Variants in CD320 observed in about 807,000 individuals in gnomAD.
CD320 encodes CD320 molecule.
Under a neutral mutation model 22.1 loss-of-function variants are expected in CD320, and 16 were observed. That is an observed-to-expected ratio of 0.73 (90% CI 0.49 to 1.10). The LOEUF (loss-of-function observed/expected upper bound fraction) is 1.10. Among genes scored for constraint, CD320 ranks in the 50% least tolerant of loss-of-function variants. The pLI is 0.00. For synonymous variants in CD320, 188 were observed against 167.8 expected, an observed-to-expected ratio of 1.12 and a Z score of -0.93; for missense variants, 388 against 376.9, an observed-to-expected ratio of 1.03 and a Z score of -0.24.
intron 4 of CD320, 68 bp downstream of exon 4, chr19:8,302,709 T>A (rs559637771): frequency 6.2e-7 from 1 of 1,604,578 alleles, no homozygotes; most frequent in South Asian, 1.1e-5. Flanking sequence ...AGCTCATCCC[T>A]CCCCACCCAC....
intron 2 of CD320, 34 bp downstream of exon 2, chr19:8,304,997 C>T: frequency 1.3e-6 from 2 of 1,599,388 alleles, no homozygotes; most frequent in Non-Finnish European, 1.7e-6. Flanking sequence ...GGCCCCGCCC[C>T]CTGTAAGCCC....
At chr19:8,304,699 C>CTTT in intron 2 of CD320, 3 of 175,070 alleles carry the variant, frequency 1.7e-5, no homozygotes, top group South Asian at 9.7e-5. Flanking sequence ...TTTTTTTTTT[C>CTTT]TTTTTCTTTT....
At chr19:8,302,753 C>T (rs530872669) in intron 4 of CD320, 24 bp downstream of exon 4, 6 of 1,613,312 alleles carry the variant, frequency 3.7e-6, no homozygotes. Flanking sequence ...AAGCCCCCAG[C>T]ATGGGAGGGT....
intron 3 of CD320, 53 bp from the exon 4 acceptor site, chr19:8,303,033 G>T (rs1599621095): frequency 1.3e-6 from 2 of 1,522,730 alleles, no homozygotes; most frequent in African/African-American, 2.7e-5. Context: ...GAAGGCGTGA[G>T]GGGGCCAGAT....
chr19:8,302,679 C>T (rs1255036362), intron 4 of CD320, 74 bp from the exon 5 acceptor site: 7 of 1,604,886 alleles, frequency 4.4e-6, no homozygotes, highest in Non-Finnish European at 6.0e-6. Context: ...GCTCCATACA[C>T]ATGGGGATGG....
At position 8,308,155 on chromosome 19, in the gene CD320, C is replaced by T; in HGVS notation, c.136G>A (p.Ala46Thr). The change falls in exon 1 of 5, where the codon GCC (alanine) becomes ACC (threonine). Residue 46 changes from alanine (A) to threonine (T), a missense_variant. Physicochemically the swap from Ala to Thr is moderately conservative, Grantham distance 58. Transcript: ENST00000301458. Reference protein sequence around the residue: ...SPLSTPTSAQAAGPSSGSCPP... With the variant: ...SPLSTPTSAQTAGPSSGSCPP... ...GCTGCGGGGCGTCACTCACCTGCGG[C>T]CTGGGCAGAGGTCGGGGTGGAAAGC... 6.5e-7 allele frequency: 1 copy of T among 1,538,466 alleles called. No homozygotes were observed. The highest frequency in any genetic ancestry group is 1.4e-5 in the African/African-American group (1 of 70,834).
At chr19:8,304,726 C>T (rs1970063000) in intron 2 of CD320, 2 of 343,658 alleles carry the variant, frequency 5.8e-6, no homozygotes, top group South Asian at 6.2e-5. Flanking sequence ...CTGAGACAGT[C>T]TTACTCTGTT....
At position 8,303,993 on chromosome 19, in the gene CD320, T is replaced by C. The variant is rs745552673; in HGVS notation, c.364A>G (p.Lys122Glu). ...AGGCGGCTGCAGTTGCGCAGTTTCT[T>C]GTCAGTTCCCCCAGAGCAGTCACTG... ...GVSDCSGGTD[K>E]KLRNCSRLAC... Residue 122 changes from lysine (K) to glutamate (E), a missense_variant, in exon 3 of 5, where the codon AAG becomes GAG. By Grantham distance (56) the Lys-to-Glu change is moderately conservative (BLOSUM62 1). Coordinates refer to ENST00000301458, the MANE Select transcript of CD320 (RefSeq NM_016579.4). 1.3e-6 allele frequency: 2 copies of C among 1,572,954 alleles called. No individual in the cohort carries two copies. The highest frequency in any genetic ancestry group is 2.3e-5 in the South Asian group (2 of 85,896).
chr19:8,307,649 G>T (rs894138948), intron 1 of CD320, among the ~76,000 whole-genome samples: 3 of 152,166 alleles, frequency 2.0e-5, no homozygotes, highest in East Asian at 1.9e-4. Flanking sequence ...CAGTAGCATG[G>T]GGGGGAGAGA....
chr19:8,308,259 G>T lies in CD320; in HGVS notation c.32C>A (p.Ala11Glu), dbSNP rs567898376. Residue 11 changes from alanine (A) to glutamate (E), a missense_variant, in exon 1 of 5, where the codon GCG becomes GAG. Coordinates refer to ENST00000301458, the MANE Select transcript of CD320 (RefSeq NM_016579.4). ...CAGGCCCAGAGCCCCTGTTCGCCAC[G>T]CTCCAACCTGCGCCATCCAACCGCC... Reference protein sequence around the residue: MSGGWMAQVGAWRTGALGLAL... With the variant: MSGGWMAQVGEWRTGALGLAL... 3.8e-6 allele frequency: 6 copies of T among 1,582,828 alleles called. No homozygotes were observed. The Admixed American group carries it at 8.6e-5, about 23-fold the overall frequency.
chr19:8,303,096 G>GACT lies in CD320; in HGVS notation c.503-119_503-117dup. ...TCAACCAACCAGGCTGGGTGAAGCT[G>GACT]ACTGCCCGTAATTATGTCTTTTTTT... On this transcript the variant is annotated intron_variant, in intron 3 of 4. Transcript: ENST00000301458. 5.6e-6 allele frequency: 3 copies of GACT among 537,076 alleles called. 1 individual carries two copies. Among genetic ancestry groups the GACT allele is most frequent in the South Asian group, 5.2e-5 (3 of 57,776 alleles). 33.3% of individuals were successfully genotyped at this position (537,076 alleles called of 1,614,324 possible).
intron 2 of CD320, among the ~76,000 whole-genome samples, 173 bp from the exon 3 acceptor site, chr19:8,304,261 C>T (rs1417123750): frequency 6.6e-6 from 1 of 152,334 alleles, no homozygotes; most frequent in African/African-American, 2.4e-5. Context: ...AAGGACAGGC[C>T]TCCCTGCAAG....
In CD320 at chr19:8,308,332, C is replaced by T. The variant is rs1465238276; in HGVS notation, c.-42G>A. Reference sequence around the variant, plus strand: ...CGCCGGCCACGCGCTGTCCAGACCGCTCTCTTATCCCTGCGCACGCGCACG... The same window carrying T: ...CGCCGGCCACGCGCTGTCCAGACCGTTCTCTTATCCCTGCGCACGCGCACG... On this transcript the variant is annotated 5_prime_UTR_variant, in exon 1 of 5. Coordinates refer to ENST00000301458, the MANE Select transcript of CD320 (RefSeq NM_016579.4). The T allele has an allele frequency of 8.9e-6, 14 of 1,572,412 alleles. No homozygotes were observed. Among genetic ancestry groups the T allele is most frequent in the African/African-American group, 1.4e-5 (1 of 74,006 alleles).
intron 2 of CD320, among the ~76,000 whole-genome samples, chr19:8,304,573 C>T (rs1004986662): frequency 6.6e-6 from 1 of 152,190 alleles, no homozygotes; most frequent in African/African-American, 2.4e-5. Context: ...GAACGCCTGA[C>T]CTCAAGTGAT....
chr19:8,303,813 C>T (rs1437685238), intron 3 of CD320, 42 bp downstream of exon 3: 2 of 1,354,932 alleles, frequency 1.5e-6, no homozygotes, highest in Non-Finnish European at 2.1e-6. Context: ...AGTGGGTGTC[C>T]CCATCTACCC....
At chr19:8,302,683 G>C in intron 4 of CD320, 78 bp from the exon 5 acceptor site, 2 of 1,604,532 alleles carry the variant, frequency 1.2e-6, no homozygotes. Flanking sequence ...CATACACATG[G>C]GGATGGGAGT....
chr19:8,308,271 G>T lies in CD320; in HGVS notation c.20C>A (p.Ala7Glu), dbSNP rs1178457763. MSGGWM[A>E]QVGAWRTGAL... is the part of the protein sequence containing the mutation. Reference sequence around the variant, plus strand: ...CCCTGTTCGCCACGCTCCAACCTGCGCCATCCAACCGCCGCTCATGCTGTC... The same window carrying T: ...CCCTGTTCGCCACGCTCCAACCTGCTCCATCCAACCGCCGCTCATGCTGTC... The change falls in exon 1 of 5, where the codon GCG becomes GAG. Residue 7 changes from alanine to glutamate, a missense_variant. Coordinates refer to ENST00000301458, the MANE Select transcript of CD320 (RefSeq NM_016579.4). 2 of 1,582,870 alleles carry T rather than the reference G, an allele frequency of 1.3e-6. No homozygotes were observed. The highest frequency in any genetic ancestry group is 1.7e-6 in the Non-Finnish European group (2 of 1,170,426).
intron 1 of CD320, 125 bp from the exon 2 acceptor site, chr19:8,305,281 C>A (rs975463459): frequency 5.7e-6 from 7 of 1,228,762 alleles, no homozygotes; most frequent in Non-Finnish European, 8.0e-6. Context: ...ACCACACTGG[C>A]GGCTGCTTGT....
chr19:8,303,953 C>A lies in CD320; in HGVS notation c.404G>T (p.Gly135Val), dbSNP rs751841592. 8 of 1,590,830 alleles carry A rather than the reference C, an allele frequency of 5.0e-6. No homozygotes were observed. Among genetic ancestry groups the A allele is most frequent in the Non-Finnish European group, 5.1e-6 (6 of 1,169,142 alleles). ...RNCSRLACLA[G>V]ELRCTLSDDC... ...ATCGCTCAGCGTGCAACGGAGCTCGCCTGCTAGGCAGGCCAGGCGGCTGCA... is the reference window on the plus strand; with the variant it reads ...ATCGCTCAGCGTGCAACGGAGCTCGACTGCTAGGCAGGCCAGGCGGCTGCA... The change falls in exon 3 of 5, where the codon GGC becomes GTC. Residue 135 changes from glycine to valine, a missense_variant. By Grantham distance (109) the Gly-to-Val change is moderately radical (BLOSUM62 -3). Transcript: ENST00000301458.
Sources: gnomAD v4.1 joint callset for allele counts (sites outside exome capture counted in the v4.1 genomes callset) on GRCh38, gnomAD v4.1.1 for gene constraint, MANE v1.5 for transcripts, NCBI Gene and HGNC (gene_info 2026-07-23, HGNC 2026-07-21) for gene names.